The following PALLD variants were observed in gnomAD, a reference collection of about 807,000 sequenced individuals.
The protein encoded by PALLD is palladin.
Under a neutral mutation model 123.5 loss-of-function variants are expected in PALLD, and 61 were observed. That is an observed-to-expected ratio of 0.49 (90% CI 0.40 to 0.61). The LOEUF (loss-of-function observed/expected upper bound fraction) is 0.61. PALLD is among the 20% of genes least tolerant of loss of function. The probability of loss-of-function intolerance (pLI) is 0.00; values close to 1 mark genes in which losing one functional copy is unlikely to be tolerated. For missense variants in PALLD, 1,273 were observed against 1,377.0 expected, an observed-to-expected ratio of 0.92 and a Z score of 1.20; for synonymous variants, 465 against 496.4, an observed-to-expected ratio of 0.94 and a Z score of 0.84.
intron 2 of PALLD, among the ~76,000 whole-genome samples, chr4:168,634,053 T>C (rs1415823443): frequency 2.0e-5 from 3 of 152,238 alleles, no homozygotes; most frequent in African/African-American, 7.2e-5. Flanking sequence ...GCTTTGTTTA[T>C]GCTCAGAACA....
intron 8 of PALLD, among the ~76,000 whole-genome samples, chr4:168,701,322 C>T (rs940256138): frequency 6.6e-6 from 1 of 152,224 alleles, no homozygotes; most frequent in Non-Finnish European, 1.5e-5. Context: ...CAGAAGGAGC[C>T]TGACAAGAAG....
intron 2 of PALLD, among the ~76,000 whole-genome samples, chr4:168,605,937 A>AT (rs5863947): frequency 2.0e-5 from 3 of 151,114 alleles, no homozygotes; most frequent in Admixed American, 6.6e-5. Context: ...AGTTTGCCCA[A>AT]TTTTTTTTTA....
chr4:168,560,731 G>A (rs1168759620), intron 2 of PALLD, among the ~76,000 whole-genome samples: 1 of 152,124 alleles, frequency 6.6e-6, no homozygotes, highest in Non-Finnish European at 1.5e-5. Context: ...TAAGTGCCAG[G>A]TACTGTCATA....
intron 2 of PALLD, among the ~76,000 whole-genome samples, chr4:168,658,988 T>G (rs1778873642): frequency 6.6e-6 from 1 of 152,262 alleles, no homozygotes; most frequent in Admixed American, 6.5e-5. Context: ...TTAATTTCAC[T>G]TCGGTCTGCC....
Position 168,746,551 on chromosome 4 carries a change from T to C in PALLD, c.1964+34628T>C, listed in dbSNP as rs935422869. ...AGCTAGCACAGTCCTTAGTGCATTG[T>C]ACATTTGAACAAATGTTTGAGTGAA... On this transcript the variant is annotated intron_variant, in intron 10 of 21. Coordinates refer to ENST00000505667, the MANE Select transcript of PALLD (RefSeq NM_001166108.2). 3.3e-5 allele frequency among the ~76,000 whole-genome samples: 5 copies of C among 152,160 alleles called. No individual in the cohort carries two copies. The East Asian group carries it at 9.6e-4, about 29-fold the overall frequency.
intron 10 of PALLD, among the ~76,000 whole-genome samples, chr4:168,883,500 TC>T (rs1752915139): frequency 6.6e-6 from 1 of 152,338 alleles, no homozygotes; most frequent in South Asian, 2.1e-4. Context: ...GTACCTTATC[TC>T]TTTAATCAAT....
At chr4:168,905,414 T>A (rs965478955) in intron 15 of PALLD, among the ~76,000 whole-genome samples, 1 of 151,868 alleles carries the variant, frequency 6.6e-6, no homozygotes, top group Non-Finnish European at 1.5e-5. Context: ...TCCCAAAGTG[T>A]TAGCATTACA....
intron 10 of PALLD, among the ~76,000 whole-genome samples, chr4:168,805,389 T>G (rs1740029387): frequency 1.3e-5 from 2 of 152,136 alleles, no homozygotes; most frequent in African/African-American, 4.8e-5. Flanking sequence ...TAATACTGGT[T>G]AGAAGGACAT....
intron 2 of PALLD, among the ~76,000 whole-genome samples, chr4:168,580,239 GGTGTGTGT>G (rs59142111): frequency 4.7e-5 from 7 of 147,382 alleles, no homozygotes; most frequent in South Asian, 4.3e-4. Flanking sequence ...ATTTCACTGT[GGTGTGTGT>G]GTGTGTGTGT....
intron 2 of PALLD, among the ~76,000 whole-genome samples, chr4:168,595,390 T>C (rs1357205945): frequency 2.0e-5 from 3 of 152,192 alleles, no homozygotes; most frequent in Non-Finnish European, 4.4e-5. Context: ...GGATGATGCC[T>C]AAGCCTGTGG....
At chr4:168,661,894 A>C (rs1218441717) in intron 2 of PALLD, among the ~76,000 whole-genome samples, 1 of 152,194 alleles carries the variant, frequency 6.6e-6, no homozygotes, top group African/African-American at 2.4e-5. Context: ...ACTACTTCAC[A>C]AGGTACTTGT....
intron 8 of PALLD, among the ~76,000 whole-genome samples, chr4:168,706,605 T>C (rs1345156612): frequency 6.6e-6 from 1 of 152,192 alleles, no homozygotes; most frequent in Non-Finnish European, 1.5e-5. Context: ...TCAAGCAGTC[T>C]GTTAACCAGA....
chr4:168,673,417 C>T (rs1182255694), intron 3 of PALLD, among the ~76,000 whole-genome samples: 1 of 152,054 alleles, frequency 6.6e-6, no homozygotes, highest in Non-Finnish European at 1.5e-5. Flanking sequence ...GTGAGGACAG[C>T]CAGATGTGCC....
At chr4:168,784,955 A>C (rs542992739) in intron 10 of PALLD, among the ~76,000 whole-genome samples, 1 of 149,116 alleles carries the variant, frequency 6.7e-6, no homozygotes. Context: ...CTTGGCAAAG[A>C]GGCTGGTCTG....
rs947793874 is a variant in PALLD at position 168,787,419 on chromosome 4, G to T, written c.1964+75496G>T. Among the ~76,000 whole-genome samples the T allele has an allele frequency of 2.0e-5, 3 of 152,194 alleles. No homozygotes were observed. In the South Asian group the frequency reaches 6.2e-4, roughly 31 times the overall value. ...AGTATTGAAGTTTTCTTACAATTGA[G>T]CATTTTTTCTAGAAGGGTGATGGTA... On this transcript the variant is annotated intron_variant, in intron 10 of 21. Transcript: ENST00000505667.
At chr4:168,709,832 G>A (rs1784664496) in intron 9 of PALLD, among the ~76,000 whole-genome samples, 1 of 151,940 alleles carries the variant, frequency 6.6e-6, no homozygotes, top group South Asian at 2.1e-4. Flanking sequence ...TGAACACACA[G>A]GGGGCTTTCT....
chr4:168,568,203 C>T (rs567286356), intron 2 of PALLD, among the ~76,000 whole-genome samples: 6 of 151,940 alleles, frequency 3.9e-5, no homozygotes, highest in African/African-American at 1.2e-4. Context: ...TAGGCTTTAT[C>T]GACCTAGTGA....
In PALLD at chr4:168,922,098, TATATACACACACAC is replaced by T. The variant is rs1359215858; in HGVS notation, c.3058+359_3058+372del. Among the ~76,000 whole-genome samples the T allele has an allele frequency of 2.1e-4, 23 of 107,642 alleles. 1 individual carries two copies. The highest frequency in any genetic ancestry group is 5.6e-4 in the African/African-American group (18 of 31,972). 70.6% of individuals were successfully genotyped at this position (107,642 alleles called of 152,430 possible). The stretch of plus-strand genomic sequence containing the variant: ...AAAGTTTTATATTTATATATATATA[TATATACACACACAC>T]ACACACACACACACACACACACACA... On this transcript the variant is annotated intron_variant, in intron 18 of 21. Transcript: ENST00000505667.
chr4:168,728,962 G>T (rs1786878450), intron 10 of PALLD, among the ~76,000 whole-genome samples: 1 of 152,030 alleles, frequency 6.6e-6, no homozygotes, highest in South Asian at 2.1e-4. Flanking sequence ...TAGGACATCT[G>T]TGTCTTGCCT....
Sources: allele counts gnomAD v4.1 joint callset (sites outside exome capture counted in the v4.1 genomes callset), GRCh38; gene constraint gnomAD v4.1.1; transcripts MANE v1.5; gene names NCBI Gene and HGNC (gene_info 2026-07-23, HGNC 2026-07-21).